Variants in HHAT observed in about 807,000 individuals in gnomAD.
HHAT encodes the protein hedgehog acyltransferase, also known as protein-cysteine N-palmitoyltransferase HHAT.
Under a neutral mutation model 70.8 loss-of-function variants are expected in HHAT, and 47 were observed. The ratio of observed to expected loss-of-function variants is 0.66; its 90% confidence interval spans 0.53 to 0.85. HHAT has a LOEUF of 0.85. HHAT is among the 40% of genes least tolerant of loss of function. The pLI is 0.00. For synonymous variants in HHAT, 228 were observed against 247.6 expected, an observed-to-expected ratio of 0.92 and a Z score of 0.74; for missense variants, 609 against 604.8, an observed-to-expected ratio of 1.01 and a Z score of -0.07.
At chr1:210,478,643 T>C (rs2094343550) in intron 8 of HHAT, among the ~76,000 whole-genome samples, 1 of 152,166 alleles carries the variant, frequency 6.6e-6, no homozygotes, top group Admixed American at 6.5e-5. Context: ...ATCTTCCTAG[T>C]GGAGCCTTGA....
intron 9 of HHAT, among the ~76,000 whole-genome samples, chr1:210,579,818 C>T (rs78964693): frequency 6.6e-6 from 1 of 152,126 alleles, no homozygotes; most frequent in African/African-American, 2.4e-5. Context: ...CTCAGCCTCT[C>T]TTTCTGTGAG....
chr1:210,359,703 C>T (rs2088045687), intron 2 of HHAT, among the ~76,000 whole-genome samples: 1 of 152,076 alleles, frequency 6.6e-6, no homozygotes, highest in Non-Finnish European at 1.5e-5. Context: ...CCCGTCTCTA[C>T]TAAAAATACA....
intron 5 of HHAT, 37 bp from the exon 6 acceptor site, chr1:210,404,427 G>A (rs1487167501): frequency 6.6e-7 from 1 of 1,512,208 alleles, no homozygotes; most frequent in Non-Finnish European, 9.2e-7. Flanking sequence ...GTCCCTGCTG[G>A]CCACTCAAAG....
intron 7 of HHAT, among the ~76,000 whole-genome samples, chr1:210,458,627 A>C (rs977679719): frequency 1.3e-5 from 2 of 152,146 alleles, no homozygotes; most frequent in African/African-American, 4.8e-5. Flanking sequence ...AGAGAAATTG[A>C]GTGTGAGCAA....
At chr1:210,530,266 T>G (rs1020002360) in intron 9 of HHAT, among the ~76,000 whole-genome samples, 1 of 152,040 alleles carries the variant, frequency 6.6e-6, no homozygotes, top group South Asian at 2.1e-4. Context: ...TTAGCACATT[T>G]GAAATGTCAT....
intron 8 of HHAT, among the ~76,000 whole-genome samples, chr1:210,470,788 A>T (rs527861834): frequency 6.6e-6 from 1 of 152,164 alleles, no homozygotes; most frequent in Non-Finnish European, 1.5e-5. Flanking sequence ...GAGGCCACAG[A>T]TCTAGAGCCT....
chr1:210,597,879 C>G (rs1663353760), intron 10 of HHAT, among the ~76,000 whole-genome samples: 1 of 151,694 alleles, frequency 6.6e-6, no homozygotes, highest in East Asian at 2.0e-4. Context: ...CTTCCCTCTT[C>G]TTTTTTCAAG....
At chr1:210,526,673 G>A (rs1008071849) in intron 9 of HHAT, among the ~76,000 whole-genome samples, 3 of 151,956 alleles carry the variant, frequency 2.0e-5, no homozygotes, top group African/African-American at 7.3e-5. Flanking sequence ...TGAGATGAGA[G>A]AATTATACCA....
intron 9 of HHAT, among the ~76,000 whole-genome samples, chr1:210,529,478 A>G (rs114491544): frequency 1.9e-3 from 282 of 152,262 alleles, no homozygotes; most frequent in Middle Eastern, 0.014. Context: ...TACTCTAGCT[A>G]TGTGGTACCT....
intron 2 of HHAT, among the ~76,000 whole-genome samples, chr1:210,350,860 C>T (rs564990853): frequency 7.5e-4 from 114 of 152,224 alleles, no homozygotes; most frequent in Admixed American, 1.8e-3. Context: ...TGGTTTCTCA[C>T]CATTAAGTAT....
chr1:210,644,903 G>C (rs750947220), intron 11 of HHAT, among the ~76,000 whole-genome samples: 1 of 152,168 alleles, frequency 6.6e-6, no homozygotes, highest in Non-Finnish European at 1.5e-5. Flanking sequence ...AGCCTTTGCC[G>C]CTGGTAAGGG....
chr1:210,650,056 G>T (rs2148931658), intron 11 of HHAT, among the ~76,000 whole-genome samples: 1 of 152,322 alleles, frequency 6.6e-6, no homozygotes, highest in African/African-American at 2.4e-5. Context: ...GAAAGGGAAA[G>T]AAACCTGTTC....
intron 9 of HHAT, among the ~76,000 whole-genome samples, chr1:210,575,133 T>C (rs1477580375): frequency 6.6e-6 from 1 of 152,120 alleles, no homozygotes; most frequent in African/African-American, 2.4e-5. Context: ...GTGGGCTCTT[T>C]CCCCTACCTC....
At chr1:210,641,871 G>T (rs1673036072) in intron 11 of HHAT, among the ~76,000 whole-genome samples, 1 of 152,138 alleles carries the variant, frequency 6.6e-6, no homozygotes, top group Non-Finnish European at 1.5e-5. Context: ...ACAATAACTT[G>T]CAAGCTGCAA....
chr1:210,669,419 T>C (rs1679635663), intron 11 of HHAT, among the ~76,000 whole-genome samples: 1 of 152,220 alleles, frequency 6.6e-6, no homozygotes, highest in Admixed American at 6.5e-5. Context: ...TGATATCCTA[T>C]TAACAATGTC....
intron 7 of HHAT, among the ~76,000 whole-genome samples, chr1:210,436,668 A>G (rs191055378): frequency 6.6e-6 from 1 of 151,850 alleles, no homozygotes; most frequent in East Asian, 1.9e-4. Flanking sequence ...GGTCTAAGCC[A>G]TTGCAAGTCC....
At chr1:210,497,949 A>T (rs1338458063) in intron 8 of HHAT, among the ~76,000 whole-genome samples, 1 of 151,998 alleles carries the variant, frequency 6.6e-6, no homozygotes, top group Non-Finnish European at 1.5e-5. Context: ...TATTTTTAGT[A>T]GAGGCTAATG....
intron 8 of HHAT, 94 bp downstream of exon 8, chr1:210,464,749 CCT>C (rs2094062781): frequency 1.4e-5 from 18 of 1,284,408 alleles, no homozygotes; most frequent in South Asian, 2.7e-5. Context: ...CTATCCTCTC[CCT>C]GTCTCTCACT....
At chr1:210,354,464 TTA>T (rs1441834111) in intron 2 of HHAT, among the ~76,000 whole-genome samples, 2 of 152,094 alleles carry the variant, frequency 1.3e-5, no homozygotes, top group African/African-American at 4.8e-5. Flanking sequence ...TTACTGGTGA[TTA>T]TGATAATTAT....
Sources: gnomAD v4.1 joint callset for allele counts (sites outside exome capture counted in the v4.1 genomes callset) on GRCh38, gnomAD v4.1.1 for gene constraint, MANE v1.5 for transcripts, NCBI Gene and HGNC (gene_info 2026-07-23, HGNC 2026-07-21) for gene names.